The following TJP1 variants were observed in gnomAD, a reference collection of about 807,000 sequenced individuals.
The protein encoded by TJP1 is tight junction protein 1, also known as tight junction protein ZO-1.
Under a neutral mutation model 194.2 loss-of-function variants are expected in TJP1, and 43 were observed. That is an observed-to-expected ratio of 0.22 (90% CI 0.17 to 0.29). The LOEUF is 0.29. TJP1 is among the 10% of genes least tolerant of loss of function. The pLI is 1.00. For synonymous variants in TJP1, 801 were observed against 779.0 expected (o/e 1.03, Z -0.47); for missense variants, 1,971 against 2,185.7 (o/e 0.90, Z 1.96).
chr15:29,945,669 G>A (rs753600549), intron 2 of TJP1, among the ~76,000 whole-genome samples: 1 of 152,018 alleles, frequency 6.6e-6, no homozygotes, highest in Non-Finnish European at 1.5e-5. Flanking sequence ...ATGAGGACAG[G>A]GAAAGCTAGG....
intron 2 of TJP1, among the ~76,000 whole-genome samples, chr15:29,932,088 T>C (rs2054735408): frequency 6.6e-6 from 1 of 152,202 alleles, no homozygotes; most frequent in Non-Finnish European, 1.5e-5. Flanking sequence ...TTATGACCTG[T>C]ATCTTGTGCT....
chr15:29,749,737 T>TA (rs1293522594), intron 8 of TJP1, among the ~76,000 whole-genome samples: 3 of 152,148 alleles, frequency 2.0e-5, no homozygotes, highest in African/African-American at 4.8e-5. Context: ...TTGTTCCCTT[T>TA]CCAAGAAGGC....
At chr15:29,779,546 C>G (rs550951637) in intron 2 of TJP1, among the ~76,000 whole-genome samples, 2 of 152,166 alleles carry the variant, frequency 1.3e-5, no homozygotes, top group Non-Finnish European at 2.9e-5. Flanking sequence ...CTTGCTAGTT[C>G]AATATATTCG....
At chr15:29,714,892 A>G (rs1256920334) in intron 23 of TJP1, among the ~76,000 whole-genome samples, 1 of 152,216 alleles carries the variant, frequency 6.6e-6, no homozygotes, top group Non-Finnish European at 1.5e-5. Flanking sequence ...AAAACGATAA[A>G]TAAGAGATAT....
chr15:29,778,410 T>A (rs1478344768), intron 2 of TJP1, among the ~76,000 whole-genome samples: 1 of 152,152 alleles, frequency 6.6e-6, no homozygotes, highest in East Asian at 1.9e-4. Flanking sequence ...GTTTTCTGAA[T>A]ATAAGATCAG....
At chr15:29,854,455 C>A (rs534811391) in intron 2 of TJP1, among the ~76,000 whole-genome samples, 1 of 152,020 alleles carries the variant, frequency 6.6e-6, no homozygotes, top group African/African-American at 2.4e-5. Context: ...AAGATTGGTC[C>A]GAGACAAAAG....
At chr15:29,819,698 G>A (rs1032109249) in intron 1 of TJP1, among the ~76,000 whole-genome samples, 1 of 152,058 alleles carries the variant, frequency 6.6e-6, no homozygotes, top group East Asian at 1.9e-4. Flanking sequence ...ACTGACTTGG[G>A]GAAAATTAGT....
rs374222294 is a variant in TJP1, at chr15:29,846,473, G to C, written c.307-45771C>G. Among the ~76,000 whole-genome samples, 11 of 152,158 alleles carry C rather than the reference G, an allele frequency of 7.2e-5. No individual in the cohort carries two copies. In the East Asian group the frequency reaches 9.7e-4, roughly 13 times the overall value. ...TGATATCAGGGAGTTACACACAAGA[G>C]AAGGGAGACCTGGATAAAAGGGGGA... On this transcript the variant is annotated intron_variant, in intron 2 of 28. Coordinates refer to the TJP1 transcript ENST00000356107.
intron 2 of TJP1, among the ~76,000 whole-genome samples, chr15:29,943,863 G>T (rs893956365): frequency 6.6e-6 from 1 of 150,492 alleles, no homozygotes; most frequent in African/African-American, 2.4e-5. Flanking sequence ...GAGGAGAATT[G>T]CTTGAACCCA....
intron 2 of TJP1, among the ~76,000 whole-genome samples, chr15:29,925,154 C>T (rs1179230764): frequency 6.6e-6 from 1 of 152,204 alleles, no homozygotes; most frequent in Admixed American, 6.5e-5. Flanking sequence ...TTGTCTAAAG[C>T]GTGATTCAGA....
intron 8 of TJP1, chr15:29,758,851 C>T (rs1011171201): frequency 1.4e-4 from 22 of 152,110 alleles, no homozygotes; most frequent in African/African-American, 4.8e-4. Context: ...CATAATATTC[C>T]TTTAAAAAAT....
intron 1 of TJP1, among the ~76,000 whole-genome samples, chr15:29,803,743 A>C (rs1352390260): frequency 1.3e-5 from 2 of 152,258 alleles, no homozygotes; most frequent in East Asian, 3.9e-4. Context: ...AATAAGAGAA[A>C]CTTGCTTTGT....
chr15:29,863,980 TTTAAA>T (rs1290595504), intron 2 of TJP1, among the ~76,000 whole-genome samples: 53 of 152,278 alleles, frequency 3.5e-4, no homozygotes, highest in Middle Eastern at 3.4e-3. Flanking sequence ...CAAAGGTTCT[TTTAAA>T]CCATAGGCTT....
rs1449417245 is a variant in TJP1, at chr15:29,726,495, C to T, written c.2312-16G>A. On this transcript the variant is annotated splice_polypyrimidine_tract_variant and intron_variant, in intron 17 of 27. Transcript: ENST00000614355. ...TTAATTGTAGCTGAAAATAAATTAA[C>T]GATGTAGTTTTATGGTTAGAGCACT... is the stretch of plus-strand genomic sequence containing the variant. 9.9e-6 allele frequency: 16 copies of T among 1,611,564 alleles called. No homozygotes were observed. The highest frequency in any genetic ancestry group is 1.3e-5 in the African/African-American group (1 of 74,864).
At chr15:29,824,079 C>A (rs2050587790), upstream of TJP1, 1 of 9,884 alleles carries the variant, frequency 1.0e-4, no homozygotes, top group African/African-American at 2.9e-4. Context: ...AAGACTCTGT[C>A]TCAAAAAAAA....
At chr15:29,773,123 G>C in intron 3 of TJP1, 110 bp downstream of exon 3, 1 of 1,282,188 alleles carries the variant, frequency 7.8e-7, no homozygotes, top group Non-Finnish European at 1.1e-6. Context: ...CATGGCACAG[G>C]TGGAGTGTGA....
chr15:29,774,362 T>C (rs777422608), intron 2 of TJP1, among the ~76,000 whole-genome samples: 2 of 152,082 alleles, frequency 1.3e-5, no homozygotes, highest in African/African-American at 2.4e-5. Flanking sequence ...CTATTCCAAG[T>C]GTCCATCAAC....
chr15:29,763,113 C>G (rs994388947), intron 5 of TJP1, among the ~76,000 whole-genome samples: 2 of 152,110 alleles, frequency 1.3e-5, no homozygotes, highest in African/African-American at 4.8e-5. Flanking sequence ...AGGCTTACAA[C>G]CAGCCAGGCA....
In TJP1 at chr15:29,707,877, G is replaced by T. The variant is rs190495525; in HGVS notation, c.4850+682C>A. ...ATGCACCTTACCAGTAGGTCAGGAG[G>T]TTACAAAAGGTCATGGCTGGTTAAG... On this transcript the variant is annotated intron_variant, in intron 25 of 27. Transcript: ENST00000614355. Among the ~76,000 whole-genome samples, 10 of 152,266 alleles carry T rather than the reference G, an allele frequency of 6.6e-5. No individual in the cohort carries two copies. In the East Asian group the frequency reaches 1.9e-3, roughly 29 times the overall value.
Sources: allele counts gnomAD v4.1 joint callset (sites outside exome capture counted in the v4.1 genomes callset), GRCh38; gene constraint gnomAD v4.1.1; transcripts MANE v1.5; gene names NCBI Gene and HGNC (gene_info 2026-07-23, HGNC 2026-07-21).